CCNYL1: variants seen among roughly 807,000 people sequenced by gnomAD.
The protein encoded by CCNYL1 is cyclin Y like 1, also known as cyclin-Y-like protein 1.
A neutral mutation model predicts 44.2 loss-of-function variants in CCNYL1; 16 were observed. The ratio of observed to expected loss-of-function variants is 0.36; its 90% CI spans 0.25 to 0.55. The LOEUF is 0.55. CCNYL1 is among the 20% of genes least tolerant of loss of function. CCNYL1 has a pLI of 0.85. For synonymous variants in CCNYL1, 159 were observed against 163.2 expected (o/e 0.97, Z 0.20); for missense variants, 348 against 451.8 (o/e 0.77, Z 2.08).
intron 4 of CCNYL1, 77 bp from the exon 5 acceptor site, chr2:207,737,334 C>A (rs539773274): frequency 1.3e-5 from 14 of 1,096,822 alleles, no homozygotes; most frequent in Admixed American, 2.0e-5. Context: ...TCCTCCCTTC[C>A]CTCATTTAAA....
intron 7 of CCNYL1, among the ~76,000 whole-genome samples, chr2:207,745,710 A>C (rs2091849765): frequency 6.6e-6 from 1 of 152,164 alleles, no homozygotes; most frequent in Admixed American, 6.5e-5. Context: ...GCACTTTGGG[A>C]GGCTGAGGTG....
In CCNYL1 at chr2:207,747,035, T is replaced by C. The variant is rs1160478934; in HGVS notation, c.640-12T>C. On this transcript the variant is annotated splice_polypyrimidine_tract_variant and intron_variant, in intron 7 of 9. Coordinates refer to ENST00000295414, the MANE Select transcript of CCNYL1 (RefSeq NM_001330218.2). ...CTGAACTAAAATCAAAGACCAGTGC[T>C]CTATTTTACAGGTTTACTTAGAAAG... 1.9e-6 allele frequency: 3 copies of C among 1,605,394 alleles called. No homozygotes were observed. In the South Asian group the frequency reaches 3.3e-5, roughly 18 times the overall value.
chr2:207,729,899 A>G (rs1414849455), intron 3 of CCNYL1, among the ~76,000 whole-genome samples: 1 of 151,158 alleles, frequency 6.6e-6, no homozygotes, highest in Non-Finnish European at 1.5e-5. Context: ...TTTTTTTAGT[A>G]GAGACAGGGT....
intron 4 of CCNYL1, among the ~76,000 whole-genome samples, chr2:207,737,162 G>A (rs1466098865): frequency 3.3e-5 from 5 of 152,140 alleles, no homozygotes; most frequent in Admixed American, 2.0e-4. Flanking sequence ...TGATCCACCT[G>A]CCTCGGCCTC....
In CCNYL1 at chr2:207,751,017, T is replaced by C. The variant is rs375307946; in HGVS notation, c.867T>C (p.Ser289=). 4 of 1,613,954 alleles carry C rather than the reference T, an allele frequency of 2.5e-6. No individual in the cohort carries two copies. The highest frequency in any genetic ancestry group is 1.6e-4 in the Middle Eastern group (1 of 6,080). Residue 289 remains serine (S), a synonymous_variant, in exon 9 of 10, where the codon AGT becomes AGC. Coordinates refer to ENST00000295414, the MANE Select transcript of CCNYL1 (RefSeq NM_001330218.2). ...LLQFNINVPA[S]VYAKYYFDLR... Reference sequence around the variant, plus strand: ...AGTTTAATATTAATGTTCCTGCCAGTGTTTATGCCAAATACTACTTTGACC... The same window carrying C: ...AGTTTAATATTAATGTTCCTGCCAGCGTTTATGCCAAATACTACTTTGACC...
At chr2:207,738,932 C>T (rs1209534540) in intron 5 of CCNYL1, among the ~76,000 whole-genome samples, 2 of 152,070 alleles carry the variant, frequency 1.3e-5, no homozygotes, top group South Asian at 4.1e-4. Context: ...GTTGCCCAGG[C>T]TGGTCTTGAA....
chr2:207,720,767 A>C (rs774888780), intron 1 of CCNYL1, among the ~76,000 whole-genome samples: 25 of 152,202 alleles, frequency 1.6e-4, no homozygotes, highest in Non-Finnish European at 3.5e-4. Context: ...TAAGAAATAC[A>C]CAAAGGGAGA....
At chr2:207,738,550 CA>C (rs1051985784) in intron 5 of CCNYL1, among the ~76,000 whole-genome samples, 4 of 151,944 alleles carry the variant, frequency 2.6e-5, no homozygotes, top group Admixed American at 6.6e-5. Context: ...CAACACTCCA[CA>C]AGTGCTAGTT....
intron 2 of CCNYL1, among the ~76,000 whole-genome samples, chr2:207,726,350 G>A (rs536730615): frequency 1.3e-4 from 20 of 152,254 alleles, no homozygotes; most frequent in African/African-American, 3.9e-4. Context: ...TATTTTTTCA[G>A]TAACATACTA....
intron 8 of CCNYL1, among the ~76,000 whole-genome samples, chr2:207,748,864 A>G (rs1358781988): frequency 6.6e-6 from 1 of 152,260 alleles, no homozygotes; most frequent in East Asian, 1.9e-4. Context: ...AGGGTGTGAC[A>G]GCAAATGAAT....
chr2:207,754,862 C>G lies in CCNYL1; in HGVS notation c.*1164C>G, dbSNP rs2091919594. The stretch of plus-strand genomic sequence containing the variant: ...TCTTGATAGCAGACATTGACTGAAA[C>G]AAAAAATTAAAAGCTTTATATTCAA... On this transcript the variant is annotated 3_prime_UTR_variant, in exon 10 of 10. Transcript: ENST00000295414. 1.3e-5 allele frequency: 2 copies of G among 152,338 alleles called. No individual in the cohort carries two copies. The highest frequency in any genetic ancestry group is 2.9e-5 in the Non-Finnish European group (2 of 68,020). The allele number at this position is 152,338 out of a possible 1,614,324, so 9.4% of individuals were successfully genotyped here. A position where few individuals can be genotyped will look rare whatever the true frequency, so the allele number is the denominator to read the frequency against.
At chr2:207,714,004 A>G (rs1276057324) in intron 1 of CCNYL1, among the ~76,000 whole-genome samples, 1 of 152,122 alleles carries the variant, frequency 6.6e-6, no homozygotes, top group Non-Finnish European at 1.5e-5. Context: ...ACATACTTTC[A>G]TGTACATGTA....
chr2:207,735,101 C>CA (rs1559169227), intron 4 of CCNYL1, among the ~76,000 whole-genome samples: 2 of 152,194 alleles, frequency 1.3e-5, no homozygotes, highest in African/African-American at 4.8e-5. Context: ...CTTGCTCAAA[C>CA]AAGTATAATA....
rs774806839 is a variant in CCNYL1 at position 207,734,117 on chromosome 2, C to T, written c.431+70C>T. The T allele has an allele frequency of 2.8e-4, 257 of 923,820 alleles. 1 individual carries two copies. Among genetic ancestry groups the T allele is most frequent in the Middle Eastern group, 1.3e-3 (6 of 4,558 alleles). 57.2% of individuals were successfully genotyped at this position (923,820 alleles called of 1,614,324 possible). A position where few individuals can be genotyped will look rare whatever the true frequency, so the allele number is the denominator to read the frequency against. On this transcript the variant is annotated intron_variant, in intron 4 of 9. Coordinates refer to ENST00000295414, the MANE Select transcript of CCNYL1 (RefSeq NM_001330218.2). ...ATGCTAAAAGCATCCTAGCCATCCT[C>T]GGTAATTTCAGCCATTTGATTGTCC...
At chr2:207,738,670 A>ATAT (rs2091783501) in intron 5 of CCNYL1, among the ~76,000 whole-genome samples, 1 of 152,012 alleles carries the variant, frequency 6.6e-6, no homozygotes. Flanking sequence ...TGGTTTTCTA[A>ATAT]TATTATGCAT....
At chr2:207,742,738 T>G (rs2091821123) in intron 7 of CCNYL1, among the ~76,000 whole-genome samples, 1 of 151,824 alleles carries the variant, frequency 6.6e-6, no homozygotes, top group Non-Finnish European at 1.5e-5. Flanking sequence ...CAGGCTCTAT[T>G]CCCCAGGTAT....
intron 1 of CCNYL1, chr2:207,714,247 A>ACTTC: frequency 5.1e-6 from 2 of 391,006 alleles, no homozygotes; most frequent in Non-Finnish European, 9.8e-6. Flanking sequence ...TTGAGAACTT[A>ACTTC]CTTCGGTCTT....
At chr2:207,744,062 C>A (rs2091833969) in intron 7 of CCNYL1, among the ~76,000 whole-genome samples, 1 of 152,046 alleles carries the variant, frequency 6.6e-6, no homozygotes, top group Non-Finnish European at 1.5e-5. Flanking sequence ...GATGAAGCAG[C>A]ATAAAGGGAT....
intron 5 of CCNYL1, among the ~76,000 whole-genome samples, chr2:207,738,102 G>A (rs981608290): frequency 6.6e-6 from 1 of 152,146 alleles, no homozygotes; most frequent in African/African-American, 2.4e-5. Flanking sequence ...GTAGTGAGCT[G>A]TAATTTGTTT....
Sources: allele counts gnomAD v4.1 joint callset (sites outside exome capture counted in the v4.1 genomes callset), GRCh38; gene constraint gnomAD v4.1.1; transcripts MANE v1.5; gene names NCBI Gene and HGNC (gene_info 2026-07-23, HGNC 2026-07-21).